Variants in NUP88 observed in about 807,000 individuals in gnomAD.
NUP88 encodes the protein nucleoporin 88.
Under a neutral mutation model 93.9 loss-of-function variants are expected in NUP88, and 57 were observed. The observed-to-expected ratio is 0.61, with a 90% CI of 0.49 to 0.76. The LOEUF (loss-of-function observed/expected upper bound fraction) is 0.76. Among genes scored for constraint, NUP88 ranks in the 30% least tolerant of loss-of-function variants. NUP88 has a pLI of 0.00. For synonymous variants in NUP88, 346 were observed against 336.8 expected, an observed-to-expected ratio of 1.03 and a Z score of -0.30; for missense variants, 911 against 901.0, an observed-to-expected ratio of 1.01 and a Z score of -0.14.
intron 7 of NUP88, among the ~76,000 whole-genome samples, chr17:5,400,339 T>C (rs1913076729): frequency 6.6e-6 from 1 of 151,480 alleles, no homozygotes; most frequent in Non-Finnish European, 1.5e-5. Flanking sequence ...TCTACTAAAA[T>C]ACAAAAATTA....
In NUP88 at chr17:5,405,079, C is replaced by T. The variant is rs142338929; in HGVS notation, c.1022G>A (p.Gly341Glu). The change falls in exon 6 of 17, where the codon GGG becomes GAG. Residue 341 changes from glycine (G) to glutamate (E), a missense_variant. Transcript: ENST00000573584. The stretch of plus-strand genomic sequence containing the variant: ...TACCGTGTGGTCATCTTCTTCTTCC[C>T]CTTCTAGCACGACACAGTGATACAG... ...GMLYHCVVLE[G>E]EEEDDHTSEK... 1.2e-6 allele frequency: 2 copies of T among 1,613,926 alleles called. No homozygotes were observed. Among genetic ancestry groups the T allele is most frequent in the Non-Finnish European group, 8.5e-7 (1 of 1,179,918 alleles).
At chr17:5,401,687 A>G (rs1913177736) in intron 7 of NUP88, among the ~76,000 whole-genome samples, 1 of 152,256 alleles carries the variant, frequency 6.6e-6, no homozygotes, top group Admixed American at 6.5e-5. Context: ...TAAAATATTG[A>G]AAATTTTCTT....
At chr17:5,386,908 A>G in intron 15 of NUP88, 76 bp downstream of exon 15, 3 of 1,595,482 alleles carry the variant, frequency 1.9e-6, no homozygotes, top group South Asian at 1.1e-5. Context: ...TTCTTTTTAC[A>G]TTTTTGTAAA....
In NUP88 at chr17:5,408,896, C is replaced by T. The variant is rs561619468; in HGVS notation, c.694G>A (p.Ala232Thr). 35 of 1,580,362 alleles carry T rather than the reference C, an allele frequency of 2.2e-5. No individual in the cohort carries two copies. The highest frequency in any genetic ancestry group is 1.7e-4 in the Middle Eastern group (1 of 5,896). ...GCAACTGCTGTCTCTCCTAGAGATG[C>T]GGTATACGCCCTTCTGGAAAGAGAT... ...LVLNKGRAYT[A>T]SLGETAVAFD... The change falls in exon 5 of 17, where the codon GCA (alanine) becomes ACA (threonine). Residue 232 changes from alanine to threonine, a missense_variant. Ala to Thr is a moderately conservative substitution (Grantham distance 58, BLOSUM62 0). Transcript: ENST00000573584.
At chr17:5,412,251 TATA>T (rs1447292328) in intron 3 of NUP88, among the ~76,000 whole-genome samples, 1 of 152,056 alleles carries the variant, frequency 6.6e-6, no homozygotes, top group Admixed American at 6.6e-5. Context: ...AGGAGTACAG[TATA>T]ATGTTTGTAA....
intron 7 of NUP88, among the ~76,000 whole-genome samples, chr17:5,402,220 T>G (rs937834220): frequency 6.6e-6 from 1 of 151,928 alleles, no homozygotes; most frequent in Admixed American, 6.6e-5. Context: ...GGCAGGAGAA[T>G]CGCTTGAACC....
In NUP88 at chr17:5,397,982, C is replaced by T. The variant is rs572880665; in HGVS notation, c.1291+1570G>A. On this transcript the variant is annotated intron_variant, in intron 8 of 16. Coordinates refer to ENST00000573584, the MANE Select transcript of NUP88 (RefSeq NM_002532.6). ...CAGTGGTGTGATCTCGACTCGAATA[C>T]AGCAGTCTCTACCTCCCAGGTTCAA... Among the ~76,000 whole-genome samples, 491 of 147,218 alleles carry T rather than the reference C, an allele frequency of 3.3e-3. 2 individuals are homozygous for T. Among genetic ancestry groups the T allele is most frequent in the Admixed American group, 5.8e-3 (86 of 14,752 alleles).
Position 5,416,529 on chromosome 17 carries a change from A to C in NUP88, c.451T>G (p.Ser151Ala), listed in dbSNP as rs139499960. The change falls in exon 2 of 17, where the codon TCA becomes GCA. Residue 151 changes from serine to alanine, a missense_variant. Ser to Ala is a moderately conservative substitution (Grantham distance 99). Transcript: ENST00000573584. ...GKNSEFEGGK[S>A]TVNCSTTPVA... ...ACAACTTACCTACAATTCACTGTTGATTTTCCACCTTCAAATTCAGAATTC... is the reference window on the plus strand; with the variant it reads ...ACAACTTACCTACAATTCACTGTTGCTTTTCCACCTTCAAATTCAGAATTC... 1 of 1,608,780 alleles carries C rather than the reference A, an allele frequency of 6.2e-7. No homozygotes were observed. The highest frequency in any genetic ancestry group is 2.2e-5 in the East Asian group (1 of 44,702).
At chr17:5,389,760 A>T (rs57284430) in intron 10 of NUP88, among the ~76,000 whole-genome samples, 2 of 140,476 alleles carry the variant, frequency 1.4e-5, no homozygotes, top group East Asian at 2.2e-4. Context: ...TGGGTGACAG[A>T]GCAAGACTCT....
intron 1 of NUP88, among the ~76,000 whole-genome samples, chr17:5,417,453 G>C (rs1464198631): frequency 6.6e-6 from 1 of 151,870 alleles, no homozygotes. Context: ...GGGCAACAGA[G>C]AAAGACCCCA....
intron 1 of NUP88, among the ~76,000 whole-genome samples, chr17:5,418,550 C>A (rs1291298796): frequency 6.6e-6 from 1 of 152,178 alleles, no homozygotes; most frequent in Non-Finnish European, 1.5e-5. Flanking sequence ...CCGCGCCCGG[C>A]CTTCATAATT....
chr17:5,417,549 AAGAC>A (rs766269544), intron 1 of NUP88, among the ~76,000 whole-genome samples: 30 of 152,224 alleles, frequency 2.0e-4, no homozygotes, highest in Non-Finnish European at 3.4e-4. Context: ...TCTAGAAAAG[AAGAC>A]AGAGGCAGAG....
chr17:5,387,509 G>C (rs1912091167), intron 13 of NUP88, 43 bp from the exon 14 acceptor site: 2 of 1,601,890 alleles, frequency 1.2e-6, no homozygotes, highest in East Asian at 4.5e-5. Context: ...TCCACCCCTT[G>C]ATGCTGAAAC....
rs1249723221 is a variant in NUP88, at chr17:5,419,527, G to A, written c.124C>T (p.Pro42Ser). 3 of 1,613,872 alleles carry A rather than the reference G, an allele frequency of 1.9e-6. No individual in the cohort carries two copies. The highest frequency in any genetic ancestry group is 4.5e-5 in the East Asian group (2 of 44,870). ...KNQSPTEAEK[P>S]ASSSLPSSPP... Reference sequence around the variant, plus strand: ...GACGAAGGCAACGACGAAGAAGCTGGTTTCTCAGCTTCGGTTGGACTCTGG... The same window carrying A: ...GACGAAGGCAACGACGAAGAAGCTGATTTCTCAGCTTCGGTTGGACTCTGG... The change falls in exon 1 of 17, where the codon CCA (proline) becomes TCA (serine). Residue 42 changes from proline (P) to serine (S), a missense_variant. Physicochemically the swap from Pro to Ser is moderately conservative, Grantham distance 74. Transcript: ENST00000573584.
intron 4 of NUP88, among the ~76,000 whole-genome samples, chr17:5,409,199 C>T (rs1421578623): frequency 2.0e-5 from 3 of 151,930 alleles, no homozygotes; most frequent in African/African-American, 4.8e-5. Flanking sequence ...CATGGTGAAA[C>T]CCCGTTTCTA....
At chr17:5,397,422 A>G (rs1912845302) in intron 8 of NUP88, among the ~76,000 whole-genome samples, 1 of 152,214 alleles carries the variant, frequency 6.6e-6, no homozygotes, top group South Asian at 2.1e-4. Flanking sequence ...AGTTTCTTTA[A>G]AAGTGAAACA....
At chr17:5,386,599 T>C (rs1911998601) in intron 16 of NUP88, 109 bp downstream of exon 16, 1 of 796,524 alleles carries the variant, frequency 1.3e-6, no homozygotes, top group East Asian at 2.4e-5. Context: ...CAGTAATTAC[T>C]TGACATGCAA....
chr17:5,403,532 G>A (rs569865494), intron 7 of NUP88, among the ~76,000 whole-genome samples: 34 of 152,054 alleles, frequency 2.2e-4, no homozygotes, highest in African/African-American at 8.2e-4. Flanking sequence ...ATGGTGGTGG[G>A]TACCTGCAAT....
At chr17:5,395,348 T>A (rs1912707736) in intron 8 of NUP88, among the ~76,000 whole-genome samples, 1 of 152,120 alleles carries the variant, frequency 6.6e-6, no homozygotes, top group African/African-American at 2.4e-5. Flanking sequence ...TTTTGGAATA[T>A]GTGCATTATA....
Sources: allele counts gnomAD v4.1 joint callset (sites outside exome capture counted in the v4.1 genomes callset), GRCh38; gene constraint gnomAD v4.1.1; transcripts MANE v1.5; gene names NCBI Gene and HGNC (gene_info 2026-07-23, HGNC 2026-07-21).